The following COL6A6 variants were observed in gnomAD, a reference collection of about 807,000 sequenced individuals.
The protein encoded by COL6A6 is collagen type VI alpha 6 chain, also known as collagen alpha-6(VI) chain.
In COL6A6, 183 loss-of-function variants were observed where a neutral mutation model predicts 208.6. The ratio of observed to expected loss-of-function variants is 0.88; its 90% CI spans 0.78 to 0.99. The LOEUF (loss-of-function observed/expected upper bound fraction) is 0.99. Ranked by LOEUF, COL6A6 falls within the 50% of genes least tolerant of loss-of-function variation. COL6A6 has a pLI of 0.00. For missense variants in COL6A6, 2,816 were observed against 2,815.2 expected (o/e 1.00, Z -0.01); for synonymous variants, 973 against 1,011.8 (o/e 0.96, Z 0.73).
At chr3:130,590,028 G>T in intron 12 of COL6A6, 1 of 451,652 alleles carries the variant, frequency 2.2e-6, no homozygotes, top group Non-Finnish European at 4.5e-6. Context: ...AGAAAGAATG[G>T]AAAGAAAGGT....
chr3:130,521,330 T>G (rs970702627), intron 1 of COL6A6, among the ~76,000 whole-genome samples: 2 of 152,234 alleles, frequency 1.3e-5, no homozygotes, highest in African/African-American at 4.8e-5. Flanking sequence ...ACAATAGAAC[T>G]TTGAAGATCA....
At chr3:130,530,496 A>AGCG (rs1394810615) in intron 1 of COL6A6, among the ~76,000 whole-genome samples, 1 of 152,268 alleles carries the variant, frequency 6.6e-6, no homozygotes, top group Non-Finnish European at 1.5e-5. Context: ...TTAACACAGC[A>AGCG]CTGCTCAAAG....
In COL6A6 at chr3:130,635,762, GTAAGCTT is replaced by G. The variant is rs753451798; in HGVS notation, c.5091+2_5091+8del. 6.2e-7 allele frequency: 1 copy of G among 1,609,852 alleles called. No individual in the cohort carries two copies. The highest frequency in any genetic ancestry group is 1.7e-5 in the Admixed American group (1 of 59,954). ...GCTGAAGGGAGCTAGAGGCAAAATG[GTAAGCTT>G]CTTAGATTCCAATTGCTGACAACCT... On this transcript the variant is annotated splice_donor_variant and splice_donor_5th_base_variant and intron_variant, in intron 28 of 36. Coordinates refer to ENST00000358511, the MANE Select transcript of COL6A6 (RefSeq NM_001102608.3). LOFTEE classifies it high-confidence loss of function.
intron 33 of COL6A6, among the ~76,000 whole-genome samples, chr3:130,649,802 AGAT>A (rs2065581892): frequency 6.6e-6 from 1 of 152,238 alleles, no homozygotes; most frequent in Non-Finnish European, 1.5e-5. Context: ...TGTATAAAAT[AGAT>A]GATGAGAAAA....
chr3:130,609,481 A>G (rs2064288433), intron 22 of COL6A6, among the ~76,000 whole-genome samples: 1 of 152,182 alleles, frequency 6.6e-6, no homozygotes, highest in Admixed American at 6.5e-5. Context: ...TTTGCAAGGA[A>G]CAAGCCATAC....
chr3:130,662,140 G>C lies in COL6A6; in HGVS notation c.6334G>C (p.Gly2112Arg). Reference protein sequence around the residue: ...KKESLRAKCQGYALFVFSLGP... With the variant: ...KKESLRAKCQRYALFVFSLGP... ...GGAATCCTTGCGAGCCAAATGTCAG[G>C]GATATGCCTTATTTGTGTTTTCCCT... The change falls in exon 35 of 37, where the codon GGA becomes CGA. Residue 2112 changes from glycine (G) to arginine (R), a missense_variant. By Grantham distance (125) the Gly-to-Arg change is moderately radical. Coordinates refer to ENST00000358511, the MANE Select transcript of COL6A6 (RefSeq NM_001102608.3). 2 of 1,614,002 alleles carry C rather than the reference G, an allele frequency of 1.2e-6. No homozygotes were observed. Among genetic ancestry groups the C allele is most frequent in the African/African-American group, 1.3e-5 (1 of 75,044 alleles).
chr3:130,537,622 A>T (rs373496052), intron 1 of COL6A6, among the ~76,000 whole-genome samples: 5 of 152,230 alleles, frequency 3.3e-5, no homozygotes, highest in African/African-American at 1.2e-4. Context: ...CAATTAGCAG[A>T]TATTTGTTGA....
intron 1 of COL6A6, among the ~76,000 whole-genome samples, chr3:130,526,734 A>G (rs1359505949): frequency 1.3e-5 from 2 of 152,168 alleles, no homozygotes; most frequent in Non-Finnish European, 2.9e-5. Flanking sequence ...TACATGTATC[A>G]CAGTTGTAAC....
At chr3:130,551,761 T>C (rs1417761073) in intron 1 of COL6A6, among the ~76,000 whole-genome samples, 1 of 152,108 alleles carries the variant, frequency 6.6e-6, no homozygotes, top group Non-Finnish European at 1.5e-5. Context: ...GATTGTTAAT[T>C]TGAGATATTT....
intron 27 of COL6A6, 145 bp from the exon 28 acceptor site, chr3:130,635,552 AAC>A (rs2065086920): frequency 1.7e-6 from 1 of 587,738 alleles, no homozygotes; most frequent in Non-Finnish European, 3.0e-6. Context: ...CACAAATGGA[AAC>A]ACACACACTC....
chr3:130,656,421 G>A (rs1009444865), intron 33 of COL6A6, among the ~76,000 whole-genome samples: 1 of 150,402 alleles, frequency 6.6e-6, no homozygotes, highest in Non-Finnish European at 1.5e-5. Context: ...TCAGCAGAGA[G>A]GAGGCCCTGG....
intron 29 of COL6A6, among the ~76,000 whole-genome samples, chr3:130,642,473 G>A (rs1454908033): frequency 6.6e-6 from 1 of 152,194 alleles, no homozygotes; most frequent in Non-Finnish European, 1.5e-5. Context: ...AACTGCACAT[G>A]TGTGGCTCAC....
intron 24 of COL6A6, among the ~76,000 whole-genome samples, chr3:130,622,490 T>A (rs1022038636): frequency 6.6e-6 from 1 of 151,972 alleles, no homozygotes; most frequent in East Asian, 1.9e-4. Flanking sequence ...AAAATAAAGA[T>A]AAGGGGCTAA....
At chr3:130,659,289 T>C (rs984255305) in intron 34 of COL6A6, among the ~76,000 whole-genome samples, 5 of 152,192 alleles carry the variant, frequency 3.3e-5, no homozygotes, top group African/African-American at 1.2e-4. Context: ...GTTGATTTAT[T>C]TGTAGTGTTT....
chr3:130,645,132 T>A, intron 32 of COL6A6, 130 bp downstream of exon 32: 1 of 838,990 alleles, frequency 1.2e-6, no homozygotes, highest in Middle Eastern at 2.2e-4. Flanking sequence ...TGCTGCTGCC[T>A]CATACTGGTA....
At chr3:130,584,887 T>A (rs1333846072) in intron 10 of COL6A6, among the ~76,000 whole-genome samples, 1 of 152,192 alleles carries the variant, frequency 6.6e-6, no homozygotes, top group Non-Finnish European at 1.5e-5. Context: ...GTGATGGGAT[T>A]ACAGGTGTGA....
At chr3:130,635,130 G>A (rs757772110) in intron 27 of COL6A6, among the ~76,000 whole-genome samples, 1 of 152,110 alleles carries the variant, frequency 6.6e-6, no homozygotes, top group African/African-American at 2.4e-5. Flanking sequence ...AGCTACTCAG[G>A]AGCCTAAGGT....
chr3:130,590,963 G>A, intron 12 of COL6A6, 78 bp from the exon 13 acceptor site: 1 of 1,097,414 alleles, frequency 9.1e-7, no homozygotes, highest in East Asian at 2.6e-5. Flanking sequence ...AAGTAAAACT[G>A]TAAAACTGAA....
Position 130,661,898 on chromosome 3 carries a change from C to G in COL6A6, c.6092C>G (p.Ala2031Gly). The G allele has an allele frequency of 6.2e-7, 1 of 1,613,978 alleles. No individual in the cohort carries two copies. The highest frequency in any genetic ancestry group is 8.5e-7 in the Non-Finnish European group (1 of 1,179,876). Residue 2031 changes from alanine (A) to glycine (G), a missense_variant, in exon 35 of 37, where the codon GCT becomes GGT. By Grantham distance (60) the Ala-to-Gly change is moderately conservative. Transcript: ENST00000358511. ...AACACTCAGAAGAGTCCAGTTAGAG[C>G]TGAGTTCAATCTTACCACCTACAGA... is the stretch of plus-strand genomic sequence containing the variant. ...LPNTQKSPVR[A>G]EFNLTTYRSK...
Sources: gnomAD v4.1 joint callset for allele counts (sites outside exome capture counted in the v4.1 genomes callset) on GRCh38, gnomAD v4.1.1 for gene constraint, MANE v1.5 for transcripts, NCBI Gene and HGNC (gene_info 2026-07-23, HGNC 2026-07-21) for gene names.